The following MEF2C variants were observed in gnomAD, a reference collection of about 807,000 sequenced individuals.
The protein encoded by MEF2C is myocyte-specific enhancer factor 2C.
In MEF2C, 6 loss-of-function variants were observed where a neutral mutation model predicts 50.5. The ratio of observed to expected loss-of-function variants is 0.12; its 90% CI spans 0.07 to 0.23. MEF2C has a LOEUF of 0.23. Ranked by LOEUF, MEF2C falls within the 10% of genes least tolerant of loss-of-function variation. MEF2C has a pLI of 1.00. For synonymous variants in MEF2C, 183 were observed against 228.0 expected (o/e 0.80, Z 1.78); for missense variants, 276 against 605.0 (o/e 0.46, Z 5.70).
chr5:88,730,080 T>C (rs1760794462), intron 8 of MEF2C, 131 bp downstream of exon 8: 3 of 760,772 alleles, frequency 3.9e-6, no homozygotes, highest in Admixed American at 3.5e-5. Flanking sequence ...CAGAAATTAA[T>C]GGTATTTAAA....
intron 6 of MEF2C, chr5:88,741,398 G>A (rs1766704305): frequency 1.0e-6 from 1 of 985,186 alleles, no homozygotes; most frequent in Admixed American, 6.2e-5. Context: ...CTTTTCAAGG[G>A]CAATAGTGCC....
chr5:88,755,051 T>C (rs1774675661), intron 4 of MEF2C, among the ~76,000 whole-genome samples: 1 of 152,178 alleles, frequency 6.6e-6, no homozygotes. Context: ...TATCCTGATC[T>C]CTTTCTCCTG....
At chr5:88,734,561 GTTTGTTTTTTTTT>G (rs1763097498) in intron 6 of MEF2C, 5 of 254,386 alleles carry the variant, frequency 2.0e-5, no homozygotes, top group African/African-American at 1.7e-4. Context: ...CTTGAGAAAA[GTTTGTTTTTTTTT>G]TTTTTTTTTT....
At chr5:88,740,841 A>C (rs1338128183) in intron 6 of MEF2C, 1 of 985,214 alleles carries the variant, frequency 1.0e-6, no homozygotes, top group Non-Finnish European at 1.2e-6. Context: ...TCACTTCTTG[A>C]GATTTTGGGG....
chr5:88,805,947 T>C (rs1023769729), intron 2 of MEF2C, among the ~76,000 whole-genome samples: 3 of 149,036 alleles, frequency 2.0e-5, no homozygotes, highest in Non-Finnish European at 4.5e-5. Context: ...TGTAGAGTAC[T>C]GTTCCTATAA....
intron 1 of MEF2C, among the ~76,000 whole-genome samples, chr5:88,902,539 A>G (rs1835772707): frequency 6.7e-6 from 1 of 149,332 alleles, no homozygotes; most frequent in Non-Finnish European, 1.5e-5. Context: ...TTCAACAGCA[A>G]TTACAACAGT....
intron 6 of MEF2C, chr5:88,743,039 G>T (rs562961709): frequency 9.5e-4 from 920 of 972,224 alleles, no homozygotes; most frequent in Non-Finnish European, 1.1e-3. Flanking sequence ...AATGAATTCA[G>T]AATTTTTAAT....
intron 6 of MEF2C, chr5:88,736,738 A>G (rs1328398274): frequency 1.0e-6 from 1 of 985,280 alleles, no homozygotes. Context: ...TGCTTAACAC[A>G]GTTGAGTCAG....
chr5:88,726,279 G>A (rs190901517), intron 10 of MEF2C, among the ~76,000 whole-genome samples: 28 of 152,206 alleles, frequency 1.8e-4, no homozygotes, highest in African/African-American at 5.1e-4. Flanking sequence ...ATGTGAGCCC[G>A]CAACACAAAT....
At chr5:88,808,529 C>T (rs779650104) in intron 2 of MEF2C, among the ~76,000 whole-genome samples, 4 of 151,978 alleles carry the variant, frequency 2.6e-5, no homozygotes, top group African/African-American at 7.3e-5. Context: ...TTAATAATAC[C>T]CATCAAAGAA....
chr5:88,779,195 A>G (rs533374122), intron 3 of MEF2C, among the ~76,000 whole-genome samples: 2 of 152,362 alleles, frequency 1.3e-5, no homozygotes, highest in Admixed American at 1.3e-4. Flanking sequence ...AAAATGTCTC[A>G]AACAGCCATC....
intron 1 of MEF2C, among the ~76,000 whole-genome samples, chr5:88,866,251 A>C (rs1013741461): frequency 1.3e-5 from 2 of 152,248 alleles, no homozygotes; most frequent in African/African-American, 4.8e-5. Flanking sequence ...GATTATTTGC[A>C]TGCTTGCATG....
In MEF2C at chr5:88,776,153, TA is replaced by T. The variant is rs201610929; in HGVS notation, c.259-14826del. On this transcript the variant is annotated intron_variant, in intron 3 of 10. Coordinates refer to ENST00000504921, the MANE Select transcript of MEF2C (RefSeq NM_002397.5). ...ATAAAATTGTTAAGATAAATTTCAT[TA>T]ATCAATTTGTTAACTGTTATGATGA... Among the ~76,000 whole-genome samples the T allele has an allele frequency of 3.4e-3, 517 of 152,280 alleles. 7 individuals are homozygous for T. The highest frequency in any genetic ancestry group is 0.012 in the African/African-American group (499 of 41,566).
intron 3 of MEF2C, among the ~76,000 whole-genome samples, chr5:88,799,911 CACAGAG>C (rs768195591): frequency 0.1 from 6,425 of 62,212 alleles, 164 homozygotes; most frequent in East Asian, 0.23. Context: ...CACACACACA[CACAGAG>C]AGAGAGACAC....
In MEF2C at chr5:88,728,555, T is replaced by C; in HGVS notation, c.1038A>G (p.Ser346=). ...FNTASALHLG[S]VTGWQQQHLH... Reference sequence around the variant, plus strand: ...GGTGTTGCTGTTGCCAGCCAGTTACTGAACCAAGGTGAAGAGCGCTGGCGG... The same window carrying C: ...GGTGTTGCTGTTGCCAGCCAGTTACCGAACCAAGGTGAAGAGCGCTGGCGG... Residue 346 remains serine, a synonymous_variant, in exon 10 of 11, where the codon TCA becomes TCG. Coordinates refer to ENST00000504921, the MANE Select transcript of MEF2C (RefSeq NM_002397.5). 2.0e-6 allele frequency: 3 copies of C among 1,536,702 alleles called. No homozygotes were observed. The highest frequency in any genetic ancestry group is 2.6e-6 in the Non-Finnish European group (3 of 1,138,354).
At chr5:88,781,289 T>A (rs1403286871) in intron 3 of MEF2C, among the ~76,000 whole-genome samples, 1 of 152,210 alleles carries the variant, frequency 6.6e-6, no homozygotes, top group African/African-American at 2.4e-5. Context: ...AAGTTTAAAA[T>A]TTTTGCCTAA....
At chr5:88,775,289 T>G (rs1442875419) in intron 3 of MEF2C, among the ~76,000 whole-genome samples, 1 of 152,176 alleles carries the variant, frequency 6.6e-6, no homozygotes, top group Non-Finnish European at 1.5e-5. Context: ...TTGCAGTTCC[T>G]GCTGTTTTAT....
chr5:88,771,558 G>A (rs1782436204), intron 3 of MEF2C: 1 of 985,392 alleles, frequency 1.0e-6, no homozygotes, highest in Admixed American at 6.1e-5. Context: ...TCACCACCAG[G>A]TAGTGAGTTC....
intron 6 of MEF2C, chr5:88,734,431 C>T: frequency 1.0e-6 from 1 of 985,306 alleles, no homozygotes; most frequent in Non-Finnish European, 1.2e-6. Flanking sequence ...GATGCCGATA[C>T]TGGTTTGCAT....
Sources: gnomAD v4.1 joint callset for allele counts (sites outside exome capture counted in the v4.1 genomes callset) on GRCh38, gnomAD v4.1.1 for gene constraint, MANE v1.5 for transcripts, NCBI Gene and HGNC (gene_info 2026-07-23, HGNC 2026-07-21) for gene names.